The following TMSB15B variants were observed in gnomAD, a reference collection of about 807,000 sequenced individuals.
The protein encoded by TMSB15B is thymosin beta-15B.
intron 1 of TMSB15B, among the ~76,000 whole-genome samples, chrX:103,955,509 T>C (rs1369082767): frequency 9.1e-6 from 1 of 109,766 alleles, no homozygotes; most frequent in Non-Finnish European, 1.9e-5. Context: ...CAAGTATTAA[T>C]TGCAGAATAG....
chrX:103,921,435 A>G (rs1435639978), intron 1 of TMSB15B, among the ~76,000 whole-genome samples: 1 of 112,252 alleles, frequency 8.9e-6, no homozygotes, highest in Admixed American at 9.4e-5. Flanking sequence ...GTAGGGATGG[A>G]ATCACATAAG....
chrX:103,931,656 A>G (rs373874838), intron 1 of TMSB15B: 1 of 112,613 alleles, frequency 8.9e-6, no homozygotes, highest in African/African-American at 3.2e-5. Flanking sequence ...ATACTGTGAA[A>G]TATATATTTG....
chrX:103,932,277 C>T (rs1237982784), intron 1 of TMSB15B: 1 of 111,576 alleles, frequency 9.0e-6, no homozygotes. Context: ...AGACCTAGTC[C>T]TCAGCTTGTG....
At chrX:103,948,826 C>T (rs2075032038) in intron 1 of TMSB15B, among the ~76,000 whole-genome samples, 1 of 111,930 alleles carries the variant, frequency 8.9e-6, no homozygotes, top group African/African-American at 3.2e-5. Context: ...AGCAGAGATC[C>T]CTTCCCTTGT....
intron 1 of TMSB15B, among the ~76,000 whole-genome samples, chrX:103,943,730 C>A (rs2075018220): frequency 8.9e-6 from 1 of 111,972 alleles, no homozygotes; most frequent in African/African-American, 3.2e-5. Flanking sequence ...CTGGATGTTT[C>A]CCAAATGTGC....
At chrX:103,929,119 T>G (rs2074977648) in intron 1 of TMSB15B, 1 of 599,965 alleles carries the variant, frequency 1.7e-6, no homozygotes, top group Admixed American at 3.9e-5. Flanking sequence ...TACAGCCATC[T>G]TTTAGCATCT....
At chrX:103,920,872 G>A (rs1453929049) in intron 1 of TMSB15B, among the ~76,000 whole-genome samples, 3 of 112,315 alleles carry the variant, frequency 2.7e-5, no homozygotes, top group Non-Finnish European at 3.8e-5. Flanking sequence ...CAGCATGCAG[G>A]GCTGTCCAAA....
chrX:103,953,103 C>A (rs2075042832), intron 1 of TMSB15B, among the ~76,000 whole-genome samples: 1 of 111,530 alleles, frequency 9.0e-6, no homozygotes, highest in South Asian at 3.8e-4. Flanking sequence ...GACGGCACAC[C>A]CAGGTGCAAC....
intron 1 of TMSB15B, chrX:103,929,064 C>A (rs2074977477): frequency 4.7e-6 from 5 of 1,061,217 alleles, no homozygotes; most frequent in Non-Finnish European, 6.3e-6. Context: ...CTGAATCTTC[C>A]CTGGTTGGTT....
At chrX:103,922,069 ATCTCTC>A (rs1156457002) in intron 1 of TMSB15B, among the ~76,000 whole-genome samples, 1 of 105,231 alleles carries the variant, frequency 9.5e-6, no homozygotes, top group Non-Finnish European at 2.0e-5. Flanking sequence ...TATTCCTATT[ATCTCTC>A]TCTCTCTCTC....
intron 1 of TMSB15B, among the ~76,000 whole-genome samples, chrX:103,952,203 T>G (rs782160092): frequency 9.0e-6 from 1 of 111,594 alleles, no homozygotes; most frequent in Admixed American, 9.5e-5. Context: ...AGCTTTAGAA[T>G]GATCGATATT....
At chrX:103,934,582 C>T (rs1602437792) in intron 1 of TMSB15B, among the ~76,000 whole-genome samples, 1 of 111,052 alleles carries the variant, frequency 9.0e-6, no homozygotes, top group African/African-American at 3.3e-5. Flanking sequence ...TGAGTGAGAG[C>T]GTGCAGTGTT....
intron 1 of TMSB15B, among the ~76,000 whole-genome samples, chrX:103,927,294 A>T (rs1431983912): frequency 8.9e-6 from 1 of 112,312 alleles, no homozygotes; most frequent in African/African-American, 3.2e-5. Flanking sequence ...GAAGCCAGGA[A>T]GCCTCTGAAT....
chrX:103,952,142 C>G (rs1303216855), intron 1 of TMSB15B, among the ~76,000 whole-genome samples: 1 of 111,464 alleles, frequency 9.0e-6, no homozygotes, highest in East Asian at 2.8e-4. Context: ...GGGTAACCTT[C>G]CCAACTTAGT....
intron 1 of TMSB15B, among the ~76,000 whole-genome samples, chrX:103,945,200 ATAGTAGATGCT>A (rs1242410777): frequency 1.1e-3 from 129 of 112,879 alleles, no homozygotes; most frequent in African/African-American, 4.1e-3. Flanking sequence ...CAACTGATGC[ATAGTAGATGCT>A]TGTCTTCGTC....
intron 1 of TMSB15B, among the ~76,000 whole-genome samples, chrX:103,942,610 AC>A (rs2075015295): frequency 8.9e-6 from 1 of 112,084 alleles, no homozygotes; most frequent in African/African-American, 3.2e-5. Context: ...ATCAATATGC[AC>A]AGAAATAGAT....
intron 1 of TMSB15B, among the ~76,000 whole-genome samples, chrX:103,942,251 T>C (rs1418327262): frequency 1.8e-5 from 2 of 111,978 alleles, no homozygotes; most frequent in Non-Finnish European, 3.8e-5. Flanking sequence ...GGTTTTGACT[T>C]TCACATCTAT....
chrX:103,924,558 T>C (rs1468346986), intron 1 of TMSB15B, among the ~76,000 whole-genome samples: 1 of 111,795 alleles, frequency 8.9e-6, no homozygotes, highest in Non-Finnish European at 1.9e-5. Flanking sequence ...TCTTCCCTAC[T>C]AGGTTCCCAG....
At chrX:103,953,100 C>T (rs1556328566) in intron 1 of TMSB15B, among the ~76,000 whole-genome samples, 1 of 111,751 alleles carries the variant, frequency 8.9e-6, no homozygotes, top group Non-Finnish European at 1.9e-5. Flanking sequence ...GACGACGGCA[C>T]ACCCAGGTGC....
Sources: gnomAD v4.1 joint callset for allele counts (sites outside exome capture counted in the v4.1 genomes callset) on GRCh38, gnomAD v4.1.1 for gene constraint, MANE v1.5 for transcripts, NCBI Gene and HGNC (gene_info 2026-07-23, HGNC 2026-07-21) for gene names.